CDH13: variants seen among roughly 807,000 people sequenced by gnomAD.
CDH13 encodes the protein cadherin 13.
In CDH13, 24 loss-of-function variants were observed where a neutral mutation model predicts 63.8. That is an observed-to-expected ratio of 0.38 (90% CI 0.27 to 0.53). CDH13 has a LOEUF of 0.53. CDH13 is among the 20% of genes least tolerant of loss of function. The pLI is 0.85. For missense variants in CDH13, 1,049 were observed against 903.1 expected (o/e 1.16, Z -2.07); for synonymous variants, 503 against 355.3 (o/e 1.42, Z -4.67).
chr16:82,637,456 A>T (rs1371499231), intron 1 of CDH13, among the ~76,000 whole-genome samples: 5 of 17,420 alleles, frequency 2.9e-4, no homozygotes, highest in East Asian at 9.1e-4. Context: ...TTTGAGACGG[A>T]GTCTGGCTCT....
chr16:83,622,018 C>A (rs1041426865), intron 8 of CDH13, among the ~76,000 whole-genome samples: 3 of 152,160 alleles, frequency 2.0e-5, no homozygotes, highest in South Asian at 2.1e-4. Flanking sequence ...GGAAAATATA[C>A]TAATCATTTC....
intron 1 of CDH13, among the ~76,000 whole-genome samples, chr16:82,819,849 A>G (rs2037915592): frequency 6.6e-6 from 1 of 152,202 alleles, no homozygotes; most frequent in Admixed American, 6.5e-5. Context: ...CAACTAATAT[A>G]TAAATAAGTC....
intron 8 of CDH13, among the ~76,000 whole-genome samples, chr16:83,616,006 C>G (rs1313234189): frequency 1.3e-5 from 2 of 152,162 alleles, no homozygotes; most frequent in Non-Finnish European, 2.9e-5. Flanking sequence ...GCCCTGGAAA[C>G]AGCAGGTATG....
intron 10 of CDH13, among the ~76,000 whole-genome samples, chr16:83,735,000 C>CAAAA (rs34189850): frequency 7.7e-4 from 110 of 143,422 alleles, no homozygotes; most frequent in African/African-American, 2.6e-3. Flanking sequence ...TGTGGTTATT[C>CAAAA]AAAAAAAAAA....
At chr16:83,257,840 C>A in intron 5 of CDH13, among the ~76,000 whole-genome samples, 1 of 152,296 alleles carries the variant, frequency 6.6e-6, no homozygotes, top group South Asian at 2.1e-4. Context: ...TGAGGAATCG[C>A]CATACTATCT....
intron 2 of CDH13, chr16:82,926,134 T>C (rs1219545880): frequency 6.6e-6 from 1 of 152,214 alleles, no homozygotes; most frequent in African/African-American, 2.4e-5. Flanking sequence ...CCTAACTTTT[T>C]CTATAAAGGT....
intron 5 of CDH13, among the ~76,000 whole-genome samples, chr16:83,340,410 C>A (rs1224991924): frequency 6.6e-6 from 1 of 152,012 alleles, no homozygotes; most frequent in African/African-American, 2.4e-5. Flanking sequence ...GTGAATGAGT[C>A]CAACAGCCAC....
intron 8 of CDH13, among the ~76,000 whole-genome samples, chr16:83,632,212 C>G (rs186942961): frequency 6.6e-6 from 1 of 152,150 alleles, no homozygotes; most frequent in Admixed American, 6.5e-5. Context: ...TTCCCTGAAT[C>G]CCAGTTCTGT....
chr16:83,031,405 T>C (rs563336654), intron 2 of CDH13, among the ~76,000 whole-genome samples: 1 of 148,044 alleles, frequency 6.8e-6, no homozygotes, highest in East Asian at 2.0e-4. Context: ...CATATACATG[T>C]ATATGTATAC....
intron 3 of CDH13, among the ~76,000 whole-genome samples, chr16:83,076,933 G>T (rs1030496234): frequency 6.6e-5 from 10 of 151,390 alleles, no homozygotes; most frequent in African/African-American, 2.4e-4. Flanking sequence ...TTACTTTTGT[G>T]CCAACTGAAT....
intron 1 of CDH13, among the ~76,000 whole-genome samples, chr16:82,822,567 G>C (rs2038053690): frequency 6.6e-6 from 1 of 152,160 alleles, no homozygotes; most frequent in South Asian, 2.1e-4. Flanking sequence ...TGCGATCAAA[G>C]CTCACTGTAG....
intron 5 of CDH13, among the ~76,000 whole-genome samples, chr16:83,328,123 CAAAAAAAAAA>C (rs56838139): frequency 7.3e-6 from 1 of 136,170 alleles, no homozygotes; most frequent in Non-Finnish European, 1.6e-5. Flanking sequence ...ACAGTATTGT[CAAAAAAAAAA>C]AAAAAGAAAA....
At chr16:83,634,812 C>A (rs565257505) in intron 8 of CDH13, among the ~76,000 whole-genome samples, 1 of 152,262 alleles carries the variant, frequency 6.6e-6, no homozygotes, top group East Asian at 1.9e-4. Flanking sequence ...GTATGGTATG[C>A]CAGAGTTCGT....
chr16:82,989,894 GC>G (rs1911441134), intron 2 of CDH13, among the ~76,000 whole-genome samples: 1 of 151,918 alleles, frequency 6.6e-6, no homozygotes, highest in South Asian at 2.1e-4. Flanking sequence ...ATTCTCTCTA[GC>G]CCCACGTCTC....
chr16:82,663,418 C>G (rs1172544425), intron 1 of CDH13, among the ~76,000 whole-genome samples: 1 of 152,146 alleles, frequency 6.6e-6, no homozygotes, highest in African/African-American at 2.4e-5. Context: ...CTCCCGACCT[C>G]AGATAATCCA....
chr16:82,998,015 A>G (rs1240883073), intron 2 of CDH13, among the ~76,000 whole-genome samples: 1 of 152,204 alleles, frequency 6.6e-6, no homozygotes, highest in Non-Finnish European at 1.5e-5. Flanking sequence ...ATAAATAGAG[A>G]AAGAGAATCT....
chr16:82,797,252 G>T (rs568465096), intron 1 of CDH13, among the ~76,000 whole-genome samples: 1 of 152,268 alleles, frequency 6.6e-6, no homozygotes, highest in East Asian at 1.9e-4. Flanking sequence ...AGTGTGATTT[G>T]CTATAACCCA....
At chr16:82,799,512 C>T (rs533355702) in intron 1 of CDH13, among the ~76,000 whole-genome samples, 1 of 152,312 alleles carries the variant, frequency 6.6e-6, no homozygotes, top group South Asian at 2.1e-4. Flanking sequence ...AGGGTAAACA[C>T]ATCAGTTTAG....
intron 1 of CDH13, among the ~76,000 whole-genome samples, chr16:82,771,180 C>T (rs907500573): frequency 2.0e-5 from 3 of 151,862 alleles, no homozygotes; most frequent in Non-Finnish European, 2.9e-5. Flanking sequence ...CAAGTCAGAC[C>T]CAGAATATTT....
Sources: allele counts gnomAD v4.1 joint callset (sites outside exome capture counted in the v4.1 genomes callset), GRCh38; gene constraint gnomAD v4.1.1; transcripts MANE v1.5; gene names NCBI Gene and HGNC (gene_info 2026-07-23, HGNC 2026-07-21).